CAMSAP1: variants seen among roughly 807,000 people sequenced by gnomAD.
CAMSAP1 encodes the protein calmodulin-regulated spectrin-associated protein 1.
Under a neutral mutation model 143.5 loss-of-function variants are expected in CAMSAP1, and 58 were observed. That is an observed-to-expected ratio of 0.40 (90% CI 0.33 to 0.50). The LOEUF is 0.50. Ranked by LOEUF, CAMSAP1 falls within the 20% of genes least tolerant of loss-of-function variation. CAMSAP1 has a pLI of 0.45. For missense variants in CAMSAP1, 1,969 were observed against 2,115.7 expected, an observed-to-expected ratio of 0.93 and a Z score of 1.36; for synonymous variants, 945 against 859.3, an observed-to-expected ratio of 1.10 and a Z score of -1.74.
At chr9:135,849,254 G>A (rs1836684682) in intron 7 of CAMSAP1, among the ~76,000 whole-genome samples, 1 of 152,202 alleles carries the variant, frequency 6.6e-6, no homozygotes, top group Non-Finnish European at 1.5e-5. Flanking sequence ...AAAGTGCTGA[G>A]TATCTCGTGT....
intron 1 of CAMSAP1, among the ~76,000 whole-genome samples, chr9:135,894,485 G>A (rs1342212205): frequency 6.6e-6 from 1 of 152,204 alleles, no homozygotes; most frequent in Non-Finnish European, 1.5e-5. Flanking sequence ...CCTGTGCGCA[G>A]AGACTCCCAT....
chr9:135,840,025 C>A lies in CAMSAP1; in HGVS notation c.1045+10112G>T, dbSNP rs901327657. On this transcript the variant is annotated intron_variant, in intron 7 of 16. Coordinates refer to ENST00000389532, the MANE Select transcript of CAMSAP1 (RefSeq NM_015447.4). ...CCACCTGCCAAGACCAGTGCTGACT[C>A]CTAATATGGCACCGTCCTGGAGAAG... Among the ~76,000 whole-genome samples, 9 of 152,178 alleles carry A rather than the reference C, an allele frequency of 5.9e-5. 1 individual carries two copies. Among genetic ancestry groups the A allele is most frequent in the Admixed American group, 5.9e-4 (9 of 15,284 alleles).
intron 7 of CAMSAP1, among the ~76,000 whole-genome samples, chr9:135,842,195 T>A (rs928760165): frequency 1.3e-5 from 2 of 152,038 alleles, no homozygotes; most frequent in African/African-American, 4.8e-5. Flanking sequence ...GAGAACTTCA[T>A]GAAATATACA....
chr9:135,822,623 CA>C lies in CAMSAP1; in HGVS notation c.2037del (p.Cys679TrpfsTer26). On this transcript the variant is annotated frameshift_variant, in exon 11 of 17. Transcript: ENST00000389532. LOFTEE classifies it high-confidence loss of function. The surrounding 1 kb of genome is among the most constrained non-coding windows in gnomAD (Gnocchi z 6.1). ...PLSVETAGEVCGGPLALGGFD... is the reference protein window; with the variant it reads ...PLSVETAGEVXGGPLALGGFD... ...AATCCGCCAAGGGCCAGAGGCCCAC[CA>C]CAGACCTCTCCTGCGGTTTCCACTG... 3 of 1,612,644 alleles carry C rather than the reference CA, an allele frequency of 1.9e-6. No individual in the cohort carries two copies. The highest frequency in any genetic ancestry group is 2.5e-6 in the Non-Finnish European group (3 of 1,179,208).
At chr9:135,881,276 G>T (rs1358084494) in intron 3 of CAMSAP1, among the ~76,000 whole-genome samples, 1 of 151,984 alleles carries the variant, frequency 6.6e-6, no homozygotes, top group African/African-American at 2.4e-5. Context: ...AGGATCACTT[G>T]GAGCCTGGGA....
At position 135,827,604 on chromosome 9, in the gene CAMSAP1, G is replaced by A. The variant is rs904423104; in HGVS notation, c.1046-20C>T. ...TTTTCGCTGCAGAAATAGCGTTTTT[G>A]CATCGTTACTTACAACACTAACTGG... On this transcript the variant is annotated intron_variant, in intron 7 of 16. Transcript: ENST00000389532. The A allele has an allele frequency of 1.3e-6, 2 of 1,544,330 alleles. No homozygotes were observed. Among genetic ancestry groups the A allele is most frequent in the African/African-American group, 2.7e-5 (2 of 73,562 alleles).
chr9:135,843,283 C>T (rs544978671), intron 7 of CAMSAP1, among the ~76,000 whole-genome samples: 2 of 152,192 alleles, frequency 1.3e-5, no homozygotes, highest in African/African-American at 4.8e-5. Flanking sequence ...GCCAAGACCA[C>T]ACCATTGCAC....
rs143861810 is a variant in CAMSAP1, at chr9:135,890,344, C to T, written c.161-7266G>A. Among the ~76,000 whole-genome samples the T allele has an allele frequency of 3.4e-3, 516 of 152,200 alleles. 3 individuals carry two copies. The highest frequency in any genetic ancestry group is 0.014 in the Middle Eastern group (4 of 294). On this transcript the variant is annotated intron_variant, in intron 1 of 16. Transcript: ENST00000389532. ...ATTCACACCTGCGGGAGGCTCTGGC[C>T]GGCCAACTGGGTGGTGAGGAATCAC...
At position 135,829,419 on chromosome 9, in the gene CAMSAP1, A is replaced by C. The variant is rs190447196; in HGVS notation, c.1046-1835T>G. Among the ~76,000 whole-genome samples, 154 of 152,074 alleles carry C rather than the reference A, an allele frequency of 1.0e-3. No homozygotes were observed. In the East Asian group the frequency reaches 0.014, roughly 14 times the overall value. On this transcript the variant is annotated intron_variant, in intron 7 of 16. Transcript: ENST00000389532. ...GTAGTCCCAGCTACTTGGGAGGCTG[A>C]GGTAGGAGGATTGCTTGAGCCCAGG...
intron 3 of CAMSAP1, among the ~76,000 whole-genome samples, chr9:135,872,672 C>T (rs1837608027): frequency 6.6e-6 from 1 of 152,228 alleles, no homozygotes; most frequent in Admixed American, 6.5e-5. Flanking sequence ...GAAACATACA[C>T]CGTGCAGCCA....
chr9:135,812,127 T>A (rs148456210), intron 16 of CAMSAP1, among the ~76,000 whole-genome samples: 1 of 152,116 alleles, frequency 6.6e-6, no homozygotes, highest in Non-Finnish European at 1.5e-5. Context: ...AAAACACGCA[T>A]CCATACAAAA....
chr9:135,888,234 C>T (rs142117413), intron 1 of CAMSAP1, among the ~76,000 whole-genome samples: 17 of 152,362 alleles, frequency 1.1e-4, no homozygotes, highest in Non-Finnish European at 2.2e-4. Context: ...TCTGTGGATG[C>T]ACACGGGAGT....
At chr9:135,828,028 G>C (rs62584815) in intron 7 of CAMSAP1, among the ~76,000 whole-genome samples, 21,256 of 152,320 alleles carry the variant, frequency 0.14, 1,670 homozygotes, top group Non-Finnish European at 0.17. Context: ...GAGGGACCGA[G>C]GCAGGGTCAG....
Position 135,907,074 on chromosome 9 carries a change from A to C in CAMSAP1, c.86T>G (p.Leu29Arg), listed in dbSNP as rs1838807296. The C allele has an allele frequency of 4.3e-6, 5 of 1,167,820 alleles. No individual in the cohort carries two copies. The highest frequency in any genetic ancestry group is 4.7e-5 in the Admixed American group (1 of 21,378). The allele number at this position is 1,167,820 out of a possible 1,614,324, so 72.3% of individuals were successfully genotyped here. A position where few individuals can be genotyped will look rare whatever the true frequency, so the allele number is the denominator to read the frequency against. ...PPDGAADLVPLDRYDAARAKI... is the reference protein window; with the variant it reads ...PPDGAADLVPRDRYDAARAKI... ...GGCGCGCGCCGCGTCGTAGCGGTCC[A>C]GGGGCACGAGGTCGGCGGCGCCGTC... Residue 29 changes from leucine to arginine, a missense_variant, in exon 1 of 17, where the codon CTG (leucine) becomes CGG (arginine). By Grantham distance (102) the Leu-to-Arg change is moderately radical (BLOSUM62 -2). Coordinates refer to ENST00000389532, the MANE Select transcript of CAMSAP1 (RefSeq NM_015447.4).
At chr9:135,870,138 C>T (rs1354536509) in intron 3 of CAMSAP1, among the ~76,000 whole-genome samples, 2 of 152,166 alleles carry the variant, frequency 1.3e-5, no homozygotes, top group Non-Finnish European at 2.9e-5. Flanking sequence ...TGTGTCCCCA[C>T]CCAAATCTTA....
At chr9:135,860,443 C>A (rs986246556) in intron 5 of CAMSAP1, among the ~76,000 whole-genome samples, 2 of 151,646 alleles carry the variant, frequency 1.3e-5, no homozygotes, top group African/African-American at 4.8e-5. Context: ...ACTAAAAGTA[C>A]AAAAATTAGC....
intron 8 of CAMSAP1, among the ~76,000 whole-genome samples, chr9:135,825,495 G>A (rs902762361): frequency 2.0e-5 from 3 of 152,256 alleles, no homozygotes; most frequent in Middle Eastern, 3.4e-3. Flanking sequence ...GAGAAAGAAC[G>A]ATGAGAGGTG....
Position 135,824,749 on chromosome 9 carries a change from AG to A in CAMSAP1, c.1315+39del. ...AATATGATTTTACTAATCTATAGTA[AG>A]GAGAAATTAAGGAAAAAAGGAGGAA... On this transcript the variant is annotated intron_variant, in intron 9 of 16. Transcript: ENST00000389532. The surrounding 1 kb of genome is among the most constrained non-coding windows in gnomAD (Gnocchi z 4.1). 1 of 1,281,878 alleles carries A rather than the reference AG, an allele frequency of 7.8e-7. No homozygotes were observed. Among genetic ancestry groups the A allele is most frequent in the South Asian group, 1.4e-5 (1 of 72,074 alleles). 79.4% of individuals were successfully genotyped at this position (1,281,878 alleles called of 1,614,324 possible).
chr9:135,819,681 A>AT (rs1449586768), intron 11 of CAMSAP1, among the ~76,000 whole-genome samples: 4 of 151,084 alleles, frequency 2.6e-5, no homozygotes, highest in Admixed American at 2.6e-4. Flanking sequence ...TTAAAAAAAA[A>AT]AAAAAAAAAA....
Sources: allele counts gnomAD v4.1 joint callset (sites outside exome capture counted in the v4.1 genomes callset), GRCh38; gene constraint gnomAD v4.1.1; non-coding constraint Gnocchi (gnomAD v3.1); transcripts MANE v1.5; gene names NCBI Gene and HGNC (gene_info 2026-07-23, HGNC 2026-07-21).